Variants in ORC4 observed in about 807,000 individuals in gnomAD.
ORC4 encodes the protein origin recognition complex subunit 4.
ORC4 carries 55 observed loss-of-function variants against 63.9 expected under a neutral mutation model. The observed-to-expected ratio is 0.86, with a 90% CI of 0.69 to 1.08. ORC4 has a LOEUF of 1.08. ORC4 is among the 50% of genes least tolerant of loss of function. The probability of loss-of-function intolerance (pLI) is 0.00; values close to 1 mark genes in which losing one functional copy is unlikely to be tolerated. For synonymous variants in ORC4, 150 were observed against 168.5 expected (o/e 0.89, Z 0.85); for missense variants, 511 against 504.4 (o/e 1.01, Z -0.13).
In ORC4 at chr2:147,931,001, C is replaced by T. The variant is rs1215717916; in HGVS notation, c.*4509G>A. On this transcript the variant is annotated 3_prime_UTR_variant, in exon 14 of 14. Coordinates refer to ENST00000392857, the MANE Select transcript of ORC4 (RefSeq NM_181741.4). ...AGGTATATCTCCTAATGCTATCCCT[C>T]CCCCATCCCCCCACCCCACAACAGT... The T allele has an allele frequency of 6.9e-6, 1 of 145,458 alleles. No individual in the cohort carries two copies. The highest frequency in any genetic ancestry group is 1.5e-5 in the Non-Finnish European group (1 of 65,940). 9.0% of individuals were successfully genotyped at this position (145,458 alleles called of 1,614,324 possible).
chr2:147,944,227 C>G (rs1227306), intron 9 of ORC4, among the ~76,000 whole-genome samples: 152,236 of 152,238 alleles, frequency 1, 76,117 homozygotes, highest in Non-Finnish European at 1. Flanking sequence ...AAAAATCAAA[C>G]ATGATCTATG....
intron 1 of ORC4, among the ~76,000 whole-genome samples, chr2:148,006,569 C>G (rs1229133989): frequency 6.6e-6 from 1 of 152,090 alleles, no homozygotes; most frequent in African/African-American, 2.4e-5. Flanking sequence ...GTTTTGCAAC[C>G]GGAGTATTGG....
intron 1 of ORC4, among the ~76,000 whole-genome samples, chr2:147,984,465 C>T (rs1233366089): frequency 2.0e-5 from 3 of 152,108 alleles, no homozygotes; most frequent in South Asian, 4.2e-4. Context: ...GTCAAGTAGG[C>T]TATTAACAGT....
intron 9 of ORC4, 100 bp from the exon 10 acceptor site, chr2:147,943,622 C>T: frequency 2.9e-6 from 2 of 690,596 alleles, no homozygotes; most frequent in Admixed American, 2.4e-5. Flanking sequence ...CTTAGTAACT[C>T]TATCTAATAT....
intron 8 of ORC4, chr2:147,951,576 T>C (rs1156959680): frequency 6.6e-6 from 1 of 152,230 alleles, no homozygotes; most frequent in East Asian, 1.9e-4. Flanking sequence ...CACCATGTCA[T>C]GCAGCATGAA....
intron 1 of ORC4, among the ~76,000 whole-genome samples, chr2:147,983,117 G>A (rs1209139395): frequency 6.6e-6 from 1 of 152,126 alleles, no homozygotes; most frequent in Non-Finnish European, 1.5e-5. Flanking sequence ...CCACTGGTGG[G>A]AATGTATAAT....
chr2:147,956,499 G>GA (rs1314158032), intron 6 of ORC4, among the ~76,000 whole-genome samples: 1 of 152,014 alleles, frequency 6.6e-6, no homozygotes, highest in Non-Finnish European at 1.5e-5. Flanking sequence ...TATCAAACCA[G>GA]AAAAGCTGTG....
At chr2:147,945,414 C>CA (rs538859062) in intron 9 of ORC4, among the ~76,000 whole-genome samples, 85 of 151,800 alleles carry the variant, frequency 5.6e-4, no homozygotes, top group African/African-American at 1.8e-3. Context: ...GCCATTTAAA[C>CA]AAAAAAAATT....
intron 13 of ORC4, among the ~76,000 whole-genome samples, chr2:147,937,591 T>A (rs1688123417): frequency 6.6e-6 from 1 of 152,160 alleles, no homozygotes; most frequent in African/African-American, 2.4e-5. Flanking sequence ...ATATGTTGCA[T>A]TAAATATATA....
At chr2:147,938,925 A>G (rs139588285) in intron 11 of ORC4, among the ~76,000 whole-genome samples, 48 of 152,304 alleles carry the variant, frequency 3.2e-4, no homozygotes, top group African/African-American at 1.2e-3. Context: ...TCTTACCTGG[A>G]TTTCCAATGT....
chr2:147,974,290 G>T (rs2627025), intron 2 of ORC4, among the ~76,000 whole-genome samples: 94,292 of 151,932 alleles, frequency 0.62, 29,886 homozygotes, highest in Middle Eastern at 0.76. Context: ...TTTAATTTCT[G>T]TATCTATAAA....
intron 4 of ORC4, among the ~76,000 whole-genome samples, chr2:147,969,777 A>T (rs1397171690): frequency 1.3e-5 from 2 of 152,066 alleles, no homozygotes; most frequent in Non-Finnish European, 2.9e-5. Context: ...TTAGTGAACA[A>T]TACCCTCTAA....
At chr2:147,941,367 C>T (rs1688354660) in intron 10 of ORC4, among the ~76,000 whole-genome samples, 1 of 151,780 alleles carries the variant, frequency 6.6e-6, no homozygotes, top group African/African-American at 2.4e-5. Flanking sequence ...TCTCTAGTTA[C>T]CTAATTTGCT....
chr2:147,952,052 T>C (rs967888410), intron 8 of ORC4, among the ~76,000 whole-genome samples: 2 of 152,220 alleles, frequency 1.3e-5, no homozygotes, highest in African/African-American at 2.4e-5. Context: ...TAAAAACTAT[T>C]ACCAAGTTTT....
intron 13 of ORC4, chr2:147,936,592 A>G (rs1688063337): frequency 6.6e-6 from 1 of 152,212 alleles, no homozygotes; most frequent in African/African-American, 2.4e-5. Flanking sequence ...AGATACCTTC[A>G]TATCTGAACA....
rs138317624 is a variant in ORC4 at position 147,958,805 on chromosome 2, T to C, written c.287A>G (p.Gln96Arg). 251 of 1,458,356 alleles carry C rather than the reference T, an allele frequency of 1.7e-4. 2 individuals are homozygous for C. In the East Asian group the frequency reaches 5.7e-3, roughly 33 times the overall value. 90.3% of individuals were successfully genotyped at this position (1,458,356 alleles called of 1,614,324 possible). Residue 96 changes from glutamine (Q) to arginine (R), a missense_variant, in exon 5 of 14, where the codon CAA (glutamine) becomes CGA (arginine). By Grantham distance (43) the Gln-to-Arg change is conservative. Transcript: ENST00000392857. ...EIEEVSENVL[Q>R]VHLNGLLQIN... Reference sequence around the variant, plus strand: ...GGCATACTTACCATTTAAGTGAACTTGTAATACATTTTCACTCACTTCTTC... The same window carrying C: ...GGCATACTTACCATTTAAGTGAACTCGTAATACATTTTCACTCACTTCTTC...
intron 6 of ORC4, among the ~76,000 whole-genome samples, chr2:147,955,704 GAA>G (rs1689209534): frequency 1.3e-5 from 2 of 151,912 alleles, no homozygotes; most frequent in Admixed American, 1.3e-4. Context: ...AAATCTGAAA[GAA>G]TGTTAAATTT....
chr2:147,972,641 G>GT, intron 4 of ORC4, 98 bp downstream of exon 4: 1 of 601,316 alleles, frequency 1.7e-6, no homozygotes, highest in East Asian at 3.2e-5. Flanking sequence ...AGTATTTTCA[G>GT]TATTACATAA....
At position 147,952,590 on chromosome 2, in the gene ORC4, A is replaced by G. The variant is rs17219148; in HGVS notation, c.437-66T>C. 3 of 1,252,804 alleles carry G rather than the reference A, an allele frequency of 2.4e-6. No individual in the cohort carries two copies. In the African/African-American group the frequency reaches 4.5e-5, roughly 19 times the overall value. The allele number at this position is 1,252,804 out of a possible 1,614,324, so 77.6% of individuals were successfully genotyped here. A position where few individuals can be genotyped will look rare whatever the true frequency, so the allele number is the denominator to read the frequency against. On this transcript the variant is annotated intron_variant, in intron 7 of 13. Transcript: ENST00000392857. The stretch of plus-strand genomic sequence containing the variant: ...TCCACCTTTCCTAAATTTCCAAACC[A>G]TTTACTATATTTCAGTTTTTAAAAC...
Sources: allele counts gnomAD v4.1 joint callset (sites outside exome capture counted in the v4.1 genomes callset), GRCh38; gene constraint gnomAD v4.1.1; transcripts MANE v1.5; gene names NCBI Gene and HGNC (gene_info 2026-07-23, HGNC 2026-07-21).